ADGRB3: variants seen among roughly 807,000 people sequenced by gnomAD.
The protein encoded by ADGRB3 is adhesion G protein-coupled receptor B3.
Under a neutral mutation model 193.4 loss-of-function variants are expected in ADGRB3, and 37 were observed. The observed-to-expected ratio is 0.19, with a 90% CI of 0.15 to 0.25. ADGRB3 has a LOEUF of 0.25. ADGRB3 is among the 10% of genes least tolerant of loss of function. The probability of loss-of-function intolerance (pLI) is 1.00; values close to 1 mark genes in which losing one functional copy is unlikely to be tolerated. For missense variants in ADGRB3, 1,637 were observed against 1,852.9 expected, an observed-to-expected ratio of 0.88 and a Z score of 2.14; for synonymous variants, 690 against 644.2, an observed-to-expected ratio of 1.07 and a Z score of -1.08.
chr6:68,785,588 G>C (rs1401083210), intron 3 of ADGRB3, among the ~76,000 whole-genome samples: 2 of 151,922 alleles, frequency 1.3e-5, no homozygotes, highest in Non-Finnish European at 2.9e-5. Context: ...CCAAGTCTTT[G>C]CTATTGTGAA....
chr6:68,912,511 C>T (rs1391485280), intron 3 of ADGRB3, among the ~76,000 whole-genome samples: 2 of 151,988 alleles, frequency 1.3e-5, no homozygotes, highest in South Asian at 2.1e-4. Context: ...AATGCTATCC[C>T]TCCCCGCTCC....
At chr6:69,064,273 ATTTAAC>A (rs1193786493) in intron 16 of ADGRB3, among the ~76,000 whole-genome samples, 2 of 151,530 alleles carry the variant, frequency 1.3e-5, no homozygotes, top group Non-Finnish European at 3.0e-5. Context: ...TATTTAAACT[ATTTAAC>A]TTTAAACTAT....
At chr6:68,875,315 G>T (rs1174915463) in intron 3 of ADGRB3, among the ~76,000 whole-genome samples, 1 of 138,630 alleles carries the variant, frequency 7.2e-6, no homozygotes, top group East Asian at 2.2e-4. Context: ...ATTATGAATA[G>T]AATGTTGGGT....
chr6:68,825,038 T>G (rs1767816928), intron 3 of ADGRB3, among the ~76,000 whole-genome samples: 1 of 152,078 alleles, frequency 6.6e-6, no homozygotes, highest in South Asian at 2.1e-4. Context: ...TTTTGTATTT[T>G]TAGTAGAGAC....
rs1362843681 is a variant in ADGRB3 at position 68,956,750 on chromosome 6, G to A, written c.1466G>A (p.Gly489Glu). 2.5e-6 allele frequency: 4 copies of A among 1,614,034 alleles called. No homozygotes were observed. In the South Asian group the frequency reaches 4.4e-5, roughly 18 times the overall value. The change falls in exon 8 of 32, where the codon GGG (glycine) becomes GAG (glutamate). Residue 489 changes from glycine (G) to glutamate (E), a missense_variant. Gly to Glu is a moderately conservative substitution (Grantham distance 98). This residue lies in a region of ADGRB3 where 641 missense variants were observed against 673.9 expected (regional missense o/e 0.95). Transcript: ENST00000370598. ...ACCTGTCAGGGTGCAGTGATAACAGGGCAGCAATGTGAAGGAACGGGCGAA... is the reference window on the plus strand; with the variant it reads ...ACCTGTCAGGGTGCAGTGATAACAGAGCAGCAATGTGAAGGAACGGGCGAA... Reference protein sequence around the residue: ...IRTCQGAVITGQQCEGTGEEV... With the variant: ...IRTCQGAVITEQQCEGTGEEV...
intron 20 of ADGRB3, among the ~76,000 whole-genome samples, chr6:69,251,083 G>A (rs1457253300): frequency 1.3e-5 from 2 of 152,106 alleles, no homozygotes; most frequent in African/African-American, 4.8e-5. Flanking sequence ...CATTATTCTG[G>A]TTTGTACCTG....
At chr6:68,881,945 G>T (rs1225635150) in intron 3 of ADGRB3, among the ~76,000 whole-genome samples, 1 of 152,090 alleles carries the variant, frequency 6.6e-6, no homozygotes, top group Non-Finnish European at 1.5e-5. Flanking sequence ...AGATTTTTAT[G>T]TACACAGGTC....
intron 3 of ADGRB3, among the ~76,000 whole-genome samples, chr6:68,823,435 A>G (rs1767784344): frequency 6.6e-6 from 1 of 152,034 alleles, no homozygotes; most frequent in Non-Finnish European, 1.5e-5. Flanking sequence ...TCAATAACTA[A>G]ATAGATACTA....
intron 26 of ADGRB3, among the ~76,000 whole-genome samples, chr6:69,347,589 C>A (rs899177203): frequency 7.9e-5 from 12 of 151,690 alleles, no homozygotes; most frequent in African/African-American, 2.9e-4. Context: ...CCAGCCTGGG[C>A]AACACAGTGA....
At chr6:69,365,932 A>G (rs979339748) in intron 29 of ADGRB3, among the ~76,000 whole-genome samples, 3 of 152,100 alleles carry the variant, frequency 2.0e-5, no homozygotes, top group African/African-American at 4.8e-5. Context: ...TAGATGTAAG[A>G]TTATGTTATT....
At chr6:69,159,070 T>G (rs1229888008) in intron 17 of ADGRB3, among the ~76,000 whole-genome samples, 1 of 152,116 alleles carries the variant, frequency 6.6e-6, no homozygotes, top group Non-Finnish European at 1.5e-5. Context: ...GGCTTTAGTC[T>G]AATGTCTGAA....
rs368155684 is a variant in ADGRB3 at position 68,950,072 on chromosome 6, T to C, written c.1196-5952T>C. ...AGCAAGAGGTTGTACTCTGTTTTTT[T>C]AGAGACAGGGTCTTGCTCTGTTACC... On this transcript the variant is annotated intron_variant, in intron 6 of 31. Coordinates refer to ENST00000370598, the MANE Select transcript of ADGRB3 (RefSeq NM_001704.3). Among the ~76,000 whole-genome samples the C allele has an allele frequency of 4.1e-4, 63 of 152,230 alleles. No individual in the cohort carries two copies. In the East Asian group the frequency reaches 7.5e-3, roughly 18 times the overall value.
At chr6:68,786,140 A>G (rs933256132) in intron 3 of ADGRB3, among the ~76,000 whole-genome samples, 1 of 152,028 alleles carries the variant, frequency 6.6e-6, no homozygotes, top group Non-Finnish European at 1.5e-5. Flanking sequence ...TTTGCTGTGC[A>G]GAAGCTCTTT....
At chr6:69,210,149 C>CATATATATATATATATATATAT (rs58586306) in intron 17 of ADGRB3, among the ~76,000 whole-genome samples, 1,700 of 78,468 alleles carry the variant, frequency 0.022, 179 homozygotes, top group African/African-American at 0.046. Flanking sequence ...TAATATATAT[C>CATATATATATATATATATATAT]ATATATATAT....
intron 3 of ADGRB3, among the ~76,000 whole-genome samples, chr6:68,743,055 G>A (rs1207514181): frequency 6.6e-6 from 1 of 151,898 alleles, no homozygotes; most frequent in Non-Finnish European, 1.5e-5. Flanking sequence ...TATCTAGGCT[G>A]GATTTCGTGA....
intron 3 of ADGRB3, among the ~76,000 whole-genome samples, chr6:68,912,927 A>C (rs1766760113): frequency 1.3e-5 from 2 of 152,172 alleles, no homozygotes; most frequent in Admixed American, 6.5e-5. Flanking sequence ...CCTGGCTCGG[A>C]GGGTCCTACG....
At chr6:68,718,303 G>A (rs532372352) in intron 3 of ADGRB3, among the ~76,000 whole-genome samples, 1 of 151,642 alleles carries the variant, frequency 6.6e-6, no homozygotes, top group Admixed American at 6.6e-5. Context: ...AATTTTTGCA[G>A]ATTGGAGCCC....
At chr6:68,776,729 A>G (rs1027533203) in intron 3 of ADGRB3, among the ~76,000 whole-genome samples, 1 of 152,168 alleles carries the variant, frequency 6.6e-6, no homozygotes, top group African/African-American at 2.4e-5. Flanking sequence ...AAACAAATCT[A>G]AGAAAAATGA....
chr6:68,804,342 A>G (rs905989768), intron 3 of ADGRB3, among the ~76,000 whole-genome samples: 2 of 152,108 alleles, frequency 1.3e-5, no homozygotes, highest in Non-Finnish European at 2.9e-5. Context: ...CTGCTGTGTC[A>G]TTTGCTTTCC....
Sources: allele counts gnomAD v4.1 joint callset (sites outside exome capture counted in the v4.1 genomes callset), GRCh38; gene constraint gnomAD v4.1.1; regional missense constraint gnomAD v4.1.1; transcripts MANE v1.5; gene names NCBI Gene and HGNC (gene_info 2026-07-23, HGNC 2026-07-21).